The following FGF14 variants were observed in gnomAD, a reference collection of about 807,000 sequenced individuals.
FGF14 encodes the protein fibroblast growth factor homologous factor 4.
In FGF14, 5 loss-of-function variants were observed where a neutral mutation model predicts 25.5. The observed-to-expected ratio is 0.20, with a 90% CI of 0.10 to 0.41. FGF14 has a LOEUF of 0.41. Among genes scored for constraint, FGF14 ranks in the 10% least tolerant of loss-of-function variants. The probability of loss-of-function intolerance (pLI) is 1.00; values close to 1 mark genes in which losing one functional copy is unlikely to be tolerated. For synonymous variants in FGF14, 138 were observed against 118.3 expected, an observed-to-expected ratio of 1.17 and a Z score of -1.08; for missense variants, 222 against 320.1, an observed-to-expected ratio of 0.69 and a Z score of 2.34.
chr13:102,381,885 G>C (rs961875456), intron 1 of FGF14, among the ~76,000 whole-genome samples: 17 of 152,152 alleles, frequency 1.1e-4, no homozygotes, highest in African/African-American at 3.9e-4. Flanking sequence ...AATTCAAAAT[G>C]AGATTTACAT....
chr13:102,116,226 G>A (rs2045465049), intron 1 of FGF14, among the ~76,000 whole-genome samples: 1 of 152,176 alleles, frequency 6.6e-6, no homozygotes, highest in Admixed American at 6.5e-5. Context: ...TGTGGATGTG[G>A]ATAAATTATA....
At chr13:102,208,244 G>A (rs953470215) in intron 1 of FGF14, among the ~76,000 whole-genome samples, 30 of 152,126 alleles carry the variant, frequency 2.0e-4, no homozygotes, top group African/African-American at 6.8e-4. Context: ...ATGCTGACAA[G>A]CCCTTTGAGG....
intron 1 of FGF14, among the ~76,000 whole-genome samples, chr13:102,351,003 C>T (rs978276785): frequency 1.3e-5 from 2 of 152,244 alleles, no homozygotes; most frequent in East Asian, 3.9e-4. Context: ...CCTCCTCAGA[C>T]CTGCAGGCCA....
At chr13:101,837,868 T>C (rs572577597) in intron 3 of FGF14, among the ~76,000 whole-genome samples, 22 of 152,094 alleles carry the variant, frequency 1.4e-4, no homozygotes, top group African/African-American at 5.1e-4. Flanking sequence ...GTCAGTGGAC[T>C]GGGAATGCAG....
intron 1 of FGF14, among the ~76,000 whole-genome samples, chr13:102,113,459 T>C (rs1341525202): frequency 6.6e-6 from 1 of 152,222 alleles, no homozygotes; most frequent in Non-Finnish European, 1.5e-5. Context: ...CAAAGATCCC[T>C]GGGGACTATT....
chr13:102,000,623 AT>A (rs1265059509), intron 1 of FGF14, among the ~76,000 whole-genome samples: 7 of 152,214 alleles, frequency 4.6e-5, no homozygotes, highest in Admixed American at 1.3e-4. Context: ...GCAAGGAAAT[AT>A]TCTGAGCTGG....
intron 3 of FGF14, among the ~76,000 whole-genome samples, chr13:101,779,659 G>A (rs1401408230): frequency 6.6e-6 from 1 of 152,160 alleles, no homozygotes; most frequent in South Asian, 2.1e-4. Flanking sequence ...TAATCTGAAG[G>A]TATAAATATT....
chr13:101,725,743 G>C (rs2035375620), intron 4 of FGF14, among the ~76,000 whole-genome samples: 1 of 151,858 alleles, frequency 6.6e-6, no homozygotes, highest in Admixed American at 6.6e-5. Flanking sequence ...TTGTAGATCT[G>C]ATCTTCTGCA....
At chr13:102,218,398 G>A (rs1039584808) in intron 1 of FGF14, among the ~76,000 whole-genome samples, 2 of 152,070 alleles carry the variant, frequency 1.3e-5, no homozygotes, top group Non-Finnish European at 2.9e-5. Context: ...CTGGCCATGG[G>A]AAATTAGAAT....
At chr13:101,889,871 C>T (rs149186364) in intron 1 of FGF14, among the ~76,000 whole-genome samples, 420 of 152,328 alleles carry the variant, frequency 2.8e-3, no homozygotes, top group Non-Finnish European at 5.0e-3. Context: ...TATGCTCATG[C>T]ATTTTTATCA....
At chr13:101,901,219 A>G (rs2031502133) in intron 1 of FGF14, among the ~76,000 whole-genome samples, 1 of 152,158 alleles carries the variant, frequency 6.6e-6, no homozygotes, top group South Asian at 2.1e-4. Context: ...ATATGGTGGA[A>G]TTCCTATTAT....
intron 1 of FGF14, among the ~76,000 whole-genome samples, chr13:102,377,087 C>CA (rs1432863085): frequency 5.5e-5 from 8 of 146,166 alleles, no homozygotes; most frequent in Admixed American, 2.7e-4. Context: ...TCTAGGTCAC[C>CA]TTTTTTTTTT....
At chr13:101,736,382 T>C (rs2036189376) in intron 3 of FGF14, among the ~76,000 whole-genome samples, 2 of 152,208 alleles carry the variant, frequency 1.3e-5, no homozygotes, top group Admixed American at 6.5e-5. Flanking sequence ...ATAAAGCAAG[T>C]ACAGAAATTA....
At chr13:102,042,849 A>G (rs2041807582) in intron 1 of FGF14, among the ~76,000 whole-genome samples, 1 of 152,194 alleles carries the variant, frequency 6.6e-6, no homozygotes, top group South Asian at 2.1e-4. Flanking sequence ...AACTATGGAT[A>G]GTTGGGGCTG....
At chr13:102,306,045 C>T (rs1184877279) in intron 1 of FGF14, among the ~76,000 whole-genome samples, 1 of 152,150 alleles carries the variant, frequency 6.6e-6, no homozygotes, top group Admixed American at 6.6e-5. Flanking sequence ...GAATATACAA[C>T]TCATTTTGTC....
intron 1 of FGF14, among the ~76,000 whole-genome samples, chr13:101,910,156 C>G (rs370287181): frequency 6.6e-6 from 1 of 151,944 alleles, no homozygotes. Flanking sequence ...TGACGAGTTA[C>G]TGGGTGCAGC....
chr13:102,152,312 T>C (rs1215944360), intron 1 of FGF14, among the ~76,000 whole-genome samples: 1 of 152,166 alleles, frequency 6.6e-6, no homozygotes, highest in Non-Finnish European at 1.5e-5. Context: ...TACCACAGAT[T>C]GGGTTGCTTA....
intron 1 of FGF14, among the ~76,000 whole-genome samples, chr13:102,098,515 T>C (rs1467228694): frequency 6.6e-6 from 1 of 152,250 alleles, no homozygotes; most frequent in Non-Finnish European, 1.5e-5. Flanking sequence ...AATTTACTCT[T>C]GCAACTTTTG....
intron 1 of FGF14, among the ~76,000 whole-genome samples, chr13:102,289,721 A>T (rs1304667752): frequency 6.6e-6 from 1 of 152,210 alleles, no homozygotes; most frequent in African/African-American, 2.4e-5. Flanking sequence ...ATTCTGTGTC[A>T]TATCTTAATT....
Sources: allele counts gnomAD v4.1 joint callset (sites outside exome capture counted in the v4.1 genomes callset), GRCh38; gene constraint gnomAD v4.1.1; transcripts MANE v1.5; gene names NCBI Gene and HGNC (gene_info 2026-07-23, HGNC 2026-07-21).